Variants in TAS1R2 observed in about 807,000 individuals in gnomAD.
The protein encoded by TAS1R2 is taste receptor type 1 member 2.
TAS1R2 carries 47 observed loss-of-function variants against 49.3 expected under a neutral mutation model. The observed-to-expected ratio is 0.95, with a 90% confidence interval of 0.75 to 1.22. TAS1R2 has a LOEUF of 1.22. Among genes scored for constraint, TAS1R2 ranks in the 50% most tolerant of loss-of-function variants. TAS1R2 has a pLI of 0.00. For synonymous variants in TAS1R2, 479 were observed against 467.9 expected (o/e 1.02, Z -0.31); for missense variants, 1,155 against 1,122.1 (o/e 1.03, Z -0.42).
At chr1:18,855,109 G>C (rs541138679) in intron 2 of TAS1R2, 123 bp from the exon 3 acceptor site, 1 of 1,224,114 alleles carries the variant, frequency 8.2e-7, no homozygotes, top group Non-Finnish European at 1.1e-6. Flanking sequence ...GGGGTAGGTG[G>C]TTTACACCAT....
chr1:18,847,359 T>G (rs1933939274), intron 4 of TAS1R2, among the ~76,000 whole-genome samples: 2 of 151,104 alleles, frequency 1.3e-5, no homozygotes, highest in Admixed American at 6.6e-5. Flanking sequence ...ATAAATTTCA[T>G]CTGTTTAAGC....
exon 6 of TAS1R2, chr1:18,839,896 C>T (rs756706423): frequency 1.2e-6 from 2 of 1,614,224 alleles, no homozygotes; most frequent in South Asian, 1.1e-5. Context: ...AGCTGAAACC[C>T]ACCACTGAGA....
At chr1:18,851,407 A>G (rs1934022499) in intron 3 of TAS1R2, among the ~76,000 whole-genome samples, 1 of 152,052 alleles carries the variant, frequency 6.6e-6, no homozygotes, top group African/African-American at 2.4e-5. Flanking sequence ...AGATCGGACT[A>G]CAACATCCGT....
intron 3 of TAS1R2, among the ~76,000 whole-genome samples, chr1:18,851,818 T>C (rs1045060432): frequency 8.5e-5 from 13 of 152,124 alleles, no homozygotes; most frequent in Non-Finnish European, 1.5e-4. Flanking sequence ...CCATCCCCAC[T>C]ACCCCAGCAC....
At chr1:18,857,781 T>G in intron 1 of TAS1R2, 150 bp from the exon 2 acceptor site, 1 of 824,606 alleles carries the variant, frequency 1.2e-6, no homozygotes, top group Non-Finnish European at 1.9e-6. Context: ...ATTTTCACCA[T>G]GTCATTGTCA....
chr1:18,840,154 G>A (rs751000756), exon 6 of TAS1R2: 21 of 1,614,124 alleles, frequency 1.3e-5, no homozygotes, highest in East Asian at 4.5e-5. Context: ...AGGCGCAGAC[G>A]ATCTGGAAAG....
At position 18,859,459 on chromosome 1, in the gene TAS1R2, G is replaced by T; in HGVS notation, c.182+20C>A. On this transcript the variant is annotated intron_variant, in intron 1 of 5. Coordinates refer to ENST00000375371, the Ensembl canonical transcript of TAS1R2. ...CACCCCATCCCCACTGCCACTTCCA[G>T]CCCCACACTGGAGACTCACTCCTTG... 2.5e-6 allele frequency: 4 copies of T among 1,613,458 alleles called. No individual in the cohort carries two copies. Among genetic ancestry groups the T allele is most frequent in the Non-Finnish European group, 3.4e-6 (4 of 1,179,576 alleles).
chr1:18,844,308 G>A (rs1034670663), intron 4 of TAS1R2, among the ~76,000 whole-genome samples: 5 of 152,210 alleles, frequency 3.3e-5, no homozygotes, highest in African/African-American at 1.2e-4. Context: ...GGCCTGGAAG[G>A]AGCAAGAGTG....
At chr1:18,843,725 A>C (rs1933868856) in intron 4 of TAS1R2, among the ~76,000 whole-genome samples, 1 of 152,230 alleles carries the variant, frequency 6.6e-6, no homozygotes, top group South Asian at 2.1e-4. Context: ...CATGCCTTCT[A>C]CAACAACATG....
chr1:18,853,009 G>GA (rs1348284178), intron 3 of TAS1R2, among the ~76,000 whole-genome samples: 1 of 152,220 alleles, frequency 6.6e-6, no homozygotes, highest in Non-Finnish European at 1.5e-5. Flanking sequence ...CTGGGAGAAG[G>GA]AAAAAGTCAA....
At position 18,855,005 on chromosome 1, in the gene TAS1R2, T is replaced by C; in HGVS notation, c.484-19A>G. ...AGGTGATCTGCAAGGGGAAGGGCTG[T>C]GGCATGAGCGAGTGCCCCGCTGGGT... On this transcript the variant is annotated intron_variant, in intron 2 of 5. Coordinates refer to ENST00000375371, the Ensembl canonical transcript of TAS1R2. The C allele has an allele frequency of 3.1e-6, 5 of 1,593,432 alleles. No homozygotes were observed. The highest frequency in any genetic ancestry group is 4.3e-6 in the Non-Finnish European group (5 of 1,164,922).
rs762905857 is a variant in TAS1R2 at position 18,854,380 on chromosome 1, C to T, written c.1090G>A (p.Asp364Asn). The T allele has an allele frequency of 8.7e-6, 14 of 1,613,706 alleles. No homozygotes were observed. The highest frequency in any genetic ancestry group is 1.6e-4 in the Middle Eastern group (1 of 6,082). Reference sequence around the variant, plus strand: ...GACAAGGTGGCGTTCAGGCAGTTGTCGCACTCCTGGTTGCAGGTATAGCTC... The same window carrying T: ...GACAAGGTGGCGTTCAGGCAGTTGTTGCACTCCTGGTTGCAGGTATAGCTC... The change falls in exon 3 of 6, where the codon GAC becomes AAC. Residue 364 changes from aspartate to asparagine, a missense_variant. By Grantham distance (23) the Asp-to-Asn change is conservative. Coordinates refer to ENST00000375371, the Ensembl canonical transcript of TAS1R2. The surrounding 1 kb of genome is among the most constrained non-coding windows in gnomAD (Gnocchi z 4.9).
intron 2 of TAS1R2, among the ~76,000 whole-genome samples, chr1:18,855,552 G>T (rs557253635): frequency 2.6e-5 from 4 of 152,202 alleles, no homozygotes; most frequent in Admixed American, 2.0e-4. Context: ...CTCAGTCCCT[G>T]CCTTTTCTCC....
chr1:18,840,424 G>A, exon 6 of TAS1R2: 1 of 1,614,194 alleles, frequency 6.2e-7, no homozygotes, highest in Non-Finnish European at 8.5e-7. Flanking sequence ...CAGCGATGGT[G>A]GGTGCCTCAT....
intron 4 of TAS1R2, among the ~76,000 whole-genome samples, chr1:18,847,517 G>A (rs752427191): frequency 3.3e-5 from 5 of 149,364 alleles, no homozygotes; most frequent in Non-Finnish European, 4.4e-5. Flanking sequence ...GAGTGCTGTC[G>A]GGGACTGGGG....
intron 1 of TAS1R2, among the ~76,000 whole-genome samples, chr1:18,858,676 C>T (rs200023002): frequency 6.6e-6 from 1 of 152,150 alleles, no homozygotes; most frequent in East Asian, 1.9e-4. Flanking sequence ...AGCATCACCA[C>T]CATTACTTTC....
At chr1:18,841,754 G>A (rs755457092) in exon 5 of TAS1R2, 33 of 1,613,750 alleles carry the variant, frequency 2.0e-5, no homozygotes, top group Middle Eastern at 3.3e-4. Flanking sequence ...GGAAGGTGCC[G>A]GGAAGGCAGT....
rs566716707 is a variant in TAS1R2 at position 18,840,492 on chromosome 1, A to G, written c.1627T>C (p.Trp543Arg). ...CAGGAGGTCTCACTCTGGTAGGACC[A>G]CTCGTTATTCGGGCAGGCCTGGCAT... Residue 543 changes from tryptophan to arginine, a missense_variant, in exon 6 of 6, where the codon TGG (tryptophan) becomes CGG (arginine). Trp to Arg is a moderately radical substitution (Grantham distance 101). Coordinates refer to ENST00000375371, the Ensembl canonical transcript of TAS1R2. The G allele has an allele frequency of 1.4e-4, 229 of 1,614,118 alleles. 2 individuals carry two copies. In the South Asian group the frequency reaches 2.1e-3, roughly 15 times the overall value.
Position 18,854,188 on chromosome 1 carries a change from G to A in TAS1R2, c.1257+25C>T, listed in dbSNP as rs1934082222. 6.2e-7 allele frequency: 1 copy of A among 1,603,766 alleles called. No homozygotes were observed. On this transcript the variant is annotated intron_variant, in intron 3 of 5. Coordinates refer to ENST00000375371, the Ensembl canonical transcript of TAS1R2. The surrounding 1 kb of genome is among the most constrained non-coding windows in gnomAD (Gnocchi z 4.9). Reference sequence around the variant, plus strand: ...GGGAGGAGGATGGAGGTGCCCTGCAGACTCTATGGCAGCCACCCCCTCACC... The same window carrying A: ...GGGAGGAGGATGGAGGTGCCCTGCAAACTCTATGGCAGCCACCCCCTCACC...
Sources: gnomAD v4.1 joint callset for allele counts (sites outside exome capture counted in the v4.1 genomes callset) on GRCh38, gnomAD v4.1.1 for gene constraint, Gnocchi (gnomAD v3.1) non-coding constraint, MANE v1.5 for transcripts, NCBI Gene and HGNC (gene_info 2026-07-23, HGNC 2026-07-21) for gene names.